TPM1: variants seen among roughly 807,000 people sequenced by gnomAD.
TPM1 encodes tropomyosin alpha-1 chain.
Under a neutral mutation model 42.9 loss-of-function variants are expected in TPM1, and 24 were observed. The observed-to-expected ratio is 0.56, with a 90% CI of 0.41 to 0.79. TPM1 has a LOEUF of 0.79. Among genes scored for constraint, TPM1 ranks in the 30% least tolerant of loss-of-function variants. The pLI is 0.00. For missense variants in TPM1, 158 were observed against 351.8 expected (o/e 0.45, Z 4.41); for synonymous variants, 136 against 130.1 (o/e 1.05, Z -0.31).
chr15:63,071,000 T>G (rs1566977311), downstream of TPM1: 1 of 1,598,524 alleles, frequency 6.3e-7, no homozygotes, highest in East Asian at 2.3e-5. Flanking sequence ...ATCCTGTGTT[T>G]GTGATTGATG....
chr15:63,071,004 A>G, downstream of TPM1: 1 of 1,601,176 alleles, frequency 6.2e-7, no homozygotes, highest in East Asian at 2.3e-5. Context: ...TGTGTTTGTG[A>G]TTGATGTTTG....
rs2036151491 is a variant in TPM1, at chr15:63,065,241, CTTAAACA to C, written c.852-648_852-642del. 14 of 987,320 alleles carry C rather than the reference CTTAAACA, an allele frequency of 1.4e-5. No homozygotes were observed. The South Asian group carries it at 5.1e-4, about 36-fold the overall frequency. 61.2% of individuals were successfully genotyped at this position (987,320 alleles called of 1,614,324 possible). A position where few individuals can be genotyped will look rare whatever the true frequency, so the allele number is the denominator to read the frequency against. On this transcript the variant is annotated intron_variant, in intron 9 of 9. Coordinates refer to ENST00000403994, the MANE Select transcript of TPM1 (RefSeq NM_001018005.2). ...ACTAATTTACATATTACTAACCAAA[CTTAAACA>C]TTAAACTTTTTCTACTACTTTAAAT...
At chr15:63,051,077 A>G (rs1284335837) in intron 2 of TPM1, among the ~76,000 whole-genome samples, 1 of 152,192 alleles carries the variant, frequency 6.6e-6, no homozygotes, top group East Asian at 1.9e-4. Flanking sequence ...GACATGATTG[A>G]TTCCAGATCT....
At chr15:63,071,563 C>G (rs1045178151) in exon 9 of TPM1, 2 of 324,758 alleles carry the variant, frequency 6.2e-6, no homozygotes, top group African/African-American at 2.2e-5. Context: ...CCCCTGTGGT[C>G]TTTTGTTCAA....
intron 4 of TPM1, 38 bp downstream of exon 4, chr15:63,059,718 C>T: frequency 4.2e-6 from 6 of 1,429,724 alleles, no homozygotes; most frequent in Non-Finnish European, 5.9e-6. Flanking sequence ...GGACACCCAG[C>T]AGTGGCCTTC....
intron 2 of TPM1, 105 bp downstream of exon 2, chr15:63,044,257 GAC>G (rs1350281260): frequency 1.7e-5 from 27 of 1,555,262 alleles, no homozygotes; most frequent in Non-Finnish European, 2.3e-5. Context: ...TTTCCTGCTG[GAC>G]ACCTGCACAC....
chr15:63,044,797 A>G (rs2140640887), intron 2 of TPM1: 1 of 165,598 alleles, frequency 6.0e-6, no homozygotes, highest in African/African-American at 2.4e-5. Flanking sequence ...TGTGAGTTAT[A>G]TATAGCTCAG....
At chr15:63,049,021 T>G in intron 2 of TPM1, 1 of 375,866 alleles carries the variant, frequency 2.7e-6, no homozygotes, top group Non-Finnish European at 5.0e-6. Flanking sequence ...CAGTCGTGTC[T>G]GTGCGTCCCC....
chr15:63,070,795 G>A (rs1305287867), downstream of TPM1: 44 of 1,216,974 alleles, frequency 3.6e-5, no homozygotes, highest in South Asian at 5.1e-5. Context: ...CTGTTCCCAC[G>A]GCACACCGTC....
At chr15:63,059,246 C>T (rs1384371724) in intron 3 of TPM1, among the ~76,000 whole-genome samples, 1 of 152,212 alleles carries the variant, frequency 6.6e-6, no homozygotes, top group Non-Finnish European at 1.5e-5. Flanking sequence ...AGCATATTGG[C>T]TTTTCCGGTT....
downstream of TPM1, chr15:63,070,993 C>T: frequency 6.3e-7 from 1 of 1,592,262 alleles, no homozygotes; most frequent in South Asian, 1.1e-5. Context: ...TCATCTCATC[C>T]TGTGTTTGTG....
At chr15:63,059,890 G>A in intron 4 of TPM1, 1 of 421,812 alleles carries the variant, frequency 2.4e-6, no homozygotes, top group East Asian at 5.6e-5. Context: ...AAGCCAATCA[G>A]TAGCACTGCG....
downstream of TPM1, chr15:63,070,938 C>T (rs1208053399): frequency 5.5e-6 from 8 of 1,458,032 alleles, no homozygotes; most frequent in Non-Finnish European, 7.3e-6. Flanking sequence ...GTCTTAGGTT[C>T]TTGTCTAGAA....
chr15:63,048,444 C>T lies in TPM1; in HGVS notation c.240+4292C>T, dbSNP rs763145892. On this transcript the variant is annotated intron_variant, in intron 2 of 9. Coordinates refer to ENST00000403994, the MANE Select transcript of TPM1 (RefSeq NM_001018005.2). Reference sequence around the variant, plus strand: ...GACTGCTCCTGGCCGCAGGGGGCGCCGCCATCGCACAGAGAGGCCTGGGCG... The same window carrying T: ...GACTGCTCCTGGCCGCAGGGGGCGCTGCCATCGCACAGAGAGGCCTGGGCG... 55 of 1,353,324 alleles carry T rather than the reference C, an allele frequency of 4.1e-5. No individual in the cohort carries two copies. The South Asian group carries it at 9.4e-4, about 23-fold the overall frequency. 83.8% of individuals were successfully genotyped at this position (1,353,324 alleles called of 1,614,324 possible). A position where few individuals can be genotyped will look rare whatever the true frequency, so the allele number is the denominator to read the frequency against.
chr15:63,048,637 C>A, intron 2 of TPM1: 1 of 1,536,524 alleles, frequency 6.5e-7, no homozygotes. Context: ...CAGGAGCAGG[C>A]GGACGCCGCT....
chr15:63,062,405 G>A, intron 7 of TPM1, 128 bp downstream of exon 7: 3 of 1,275,724 alleles, frequency 2.4e-6, no homozygotes, highest in Non-Finnish European at 3.4e-6. Flanking sequence ...TCGCCTTGGA[G>A]TTTATGTACT....
intron 9 of TPM1, 100 bp from the exon 10 acceptor site, chr15:63,065,796 G>A: frequency 7.0e-7 from 1 of 1,435,622 alleles, no homozygotes; most frequent in Non-Finnish European, 9.4e-7. Flanking sequence ...TCTTGTCTGT[G>A]TTTCAAGTGC....
Position 63,061,872 on chromosome 15 carries a change from A to ACT in TPM1, c.639+84_639+85insCT. ...CCTGCCAGAAAGCAACACTTACAGT[A>ACT]GACATTTTAGTAAAATGGCAATATT... On this transcript the variant is annotated intron_variant, in intron 6 of 9. Coordinates refer to ENST00000403994, the MANE Select transcript of TPM1 (RefSeq NM_001018005.2). 2.5e-6 allele frequency: 3 copies of ACT among 1,215,954 alleles called. No individual in the cohort carries two copies. The Admixed American group carries it at 5.6e-5, about 23-fold the overall frequency. 75.3% of individuals were successfully genotyped at this position (1,215,954 alleles called of 1,614,324 possible).
At chr15:63,051,932 T>C (rs888907758) in intron 2 of TPM1, among the ~76,000 whole-genome samples, 1 of 151,002 alleles carries the variant, frequency 6.6e-6, no homozygotes, top group Non-Finnish European at 1.5e-5. Context: ...TGGGATAATA[T>C]TATACTATGG....
Sources: gnomAD v4.1 joint callset for allele counts (sites outside exome capture counted in the v4.1 genomes callset) on GRCh38, gnomAD v4.1.1 for gene constraint, MANE v1.5 for transcripts, NCBI Gene and HGNC (gene_info 2026-07-23, HGNC 2026-07-21) for gene names.